Variants in ARHGAP26 observed in about 807,000 individuals in gnomAD.
The protein encoded by ARHGAP26 is rho GTPase-activating protein 26.
In ARHGAP26, 38 loss-of-function variants were observed where a neutral mutation model predicts 104.8. That is an observed-to-expected ratio of 0.36 (90% CI 0.28 to 0.48). ARHGAP26 has a LOEUF of 0.48. ARHGAP26 is among the 20% of genes least tolerant of loss of function. The pLI is 0.99. For synonymous variants in ARHGAP26, 341 were observed against 340.0 expected, an observed-to-expected ratio of 1.00 and a Z score of -0.03; for missense variants, 704 against 947.9, an observed-to-expected ratio of 0.74 and a Z score of 3.38.
intron 1 of ARHGAP26, among the ~76,000 whole-genome samples, chr5:142,852,608 A>G (rs1028128218): frequency 2.0e-5 from 3 of 152,292 alleles, no homozygotes; most frequent in East Asian, 3.9e-4. Context: ...GCATTCTCGC[A>G]TGTTGATGCA....
chr5:143,027,617 T>C (rs1382900984), intron 12 of ARHGAP26, among the ~76,000 whole-genome samples: 1 of 152,222 alleles, frequency 6.6e-6, no homozygotes, highest in Non-Finnish European at 1.5e-5. Context: ...TCAGTAGATT[T>C]CTAATATTCA....
At chr5:142,856,705 C>T (rs531950619) in intron 1 of ARHGAP26, among the ~76,000 whole-genome samples, 6 of 152,114 alleles carry the variant, frequency 3.9e-5, no homozygotes, top group South Asian at 2.1e-4. Flanking sequence ...AGTATAACAA[C>T]GATTTACATA....
intron 17 of ARHGAP26, among the ~76,000 whole-genome samples, chr5:143,070,077 A>G (rs1788035346): frequency 6.6e-6 from 1 of 152,030 alleles, no homozygotes; most frequent in African/African-American, 2.4e-5. Context: ...AGCACATTTA[A>G]ACCTGTTTTT....
intron 20 of ARHGAP26, among the ~76,000 whole-genome samples, chr5:143,153,068 C>T (rs1184833561): frequency 6.6e-6 from 1 of 152,102 alleles, no homozygotes; most frequent in East Asian, 1.9e-4. Context: ...GAGCTGTCTG[C>T]ATGAATAGAA....
At chr5:142,815,483 GTGTTT>G (rs1764926129) in intron 1 of ARHGAP26, among the ~76,000 whole-genome samples, 1 of 152,220 alleles carries the variant, frequency 6.6e-6, no homozygotes. Flanking sequence ...GTTATATTTT[GTGTTT>G]TGTTATAAAT....
intron 17 of ARHGAP26, chr5:143,103,391 C>G (rs150078655): frequency 9.6e-5 from 20 of 209,290 alleles, no homozygotes; most frequent in African/African-American, 4.7e-4. Flanking sequence ...TGTGGCAATT[C>G]TTCAAGGATC....
intron 11 of ARHGAP26, among the ~76,000 whole-genome samples, chr5:142,949,021 C>T (rs1184579587): frequency 6.6e-6 from 1 of 151,694 alleles, no homozygotes; most frequent in East Asian, 1.9e-4. Context: ...AGGAGAATCG[C>T]TTGAACCTGG....
intron 17 of ARHGAP26, among the ~76,000 whole-genome samples, chr5:143,097,678 T>C (rs113251776): frequency 0.11 from 16,796 of 151,898 alleles, 1,788 homozygotes; most frequent in East Asian, 0.37. Flanking sequence ...AAAAATTAGC[T>C]GGATGTGGTG....
chr5:143,041,116 G>T (rs1033672128), intron 13 of ARHGAP26, among the ~76,000 whole-genome samples: 1 of 152,178 alleles, frequency 6.6e-6, no homozygotes, highest in African/African-American at 2.4e-5. Flanking sequence ...AAGTCACCTG[G>T]TCTAAATTGC....
intron 1 of ARHGAP26, among the ~76,000 whole-genome samples, chr5:142,774,032 C>T (rs1473996313): frequency 6.6e-6 from 1 of 152,144 alleles, no homozygotes; most frequent in East Asian, 1.9e-4. Context: ...TCGATGCCAA[C>T]CTGCTTTGTT....
chr5:142,816,720 A>G (rs973135604), intron 1 of ARHGAP26, among the ~76,000 whole-genome samples: 2 of 152,220 alleles, frequency 1.3e-5, no homozygotes, highest in African/African-American at 2.4e-5. Flanking sequence ...GTTGGAATGT[A>G]TGTCACAGCC....
intron 11 of ARHGAP26, among the ~76,000 whole-genome samples, chr5:142,979,462 T>G (rs1316993649): frequency 6.6e-6 from 1 of 152,204 alleles, no homozygotes; most frequent in Non-Finnish European, 1.5e-5. Context: ...ATCCAGAGAC[T>G]ATGGGACATA....
chr5:142,992,669 C>T (rs900934865), intron 11 of ARHGAP26, among the ~76,000 whole-genome samples: 6 of 151,946 alleles, frequency 3.9e-5, no homozygotes, highest in African/African-American at 1.5e-4. Context: ...CCTCGTGATC[C>T]GCCTGCCTCG....
rs151318478 is a variant in ARHGAP26 at position 142,775,047 on chromosome 5, G to A, written c.154+4132G>A. Among the ~76,000 whole-genome samples, 1,234 of 152,108 alleles carry A rather than the reference G, an allele frequency of 8.1e-3. 17 individuals carry two copies. Among genetic ancestry groups the A allele is most frequent in the African/African-American group, 0.028 (1,181 of 41,484 alleles). ...GAATAGAGCCGATATAAACATTTGC[G>A]TGCAGTTTATATGTGGAAATAAGTT... On this transcript the variant is annotated intron_variant, in intron 1 of 22. Transcript: ENST00000645722.
At chr5:143,117,102 C>G (rs1349102162) in intron 17 of ARHGAP26, among the ~76,000 whole-genome samples, 1 of 152,196 alleles carries the variant, frequency 6.6e-6, no homozygotes, top group African/African-American at 2.4e-5. Context: ...GTCAAAGACT[C>G]CTTCACTGCA....
chr5:143,004,084 G>A (rs1777594193), intron 11 of ARHGAP26, among the ~76,000 whole-genome samples: 1 of 151,464 alleles, frequency 6.6e-6, no homozygotes, highest in South Asian at 2.1e-4. Context: ...AAAACAACTG[G>A]ATTGGTTACA....
intron 13 of ARHGAP26, among the ~76,000 whole-genome samples, chr5:143,040,676 T>C (rs1403281655): frequency 6.6e-6 from 1 of 152,220 alleles, no homozygotes; most frequent in Admixed American, 6.5e-5. Context: ...TGCATTAGAT[T>C]GAAGCGGTTG....
intron 11 of ARHGAP26, among the ~76,000 whole-genome samples, chr5:143,008,892 A>G (rs985078873): frequency 3.9e-5 from 6 of 152,244 alleles, no homozygotes; most frequent in Non-Finnish European, 8.8e-5. Context: ...CTGTAGGGAC[A>G]TGTAAACTGA....
chr5:143,219,069 C>T (rs182296098), intron 22 of ARHGAP26, among the ~76,000 whole-genome samples: 36 of 152,358 alleles, frequency 2.4e-4, no homozygotes, highest in African/African-American at 8.4e-4. Context: ...CTGGCATGTG[C>T]TCAACATGTT....
Sources: gnomAD v4.1 joint callset for allele counts (sites outside exome capture counted in the v4.1 genomes callset) on GRCh38, gnomAD v4.1.1 for gene constraint, MANE v1.5 for transcripts, NCBI Gene and HGNC (gene_info 2026-07-23, HGNC 2026-07-21) for gene names.